Variants in ETV6 observed in about 807,000 individuals in gnomAD.
ETV6 encodes the protein ETS variant transcription factor 6.
ETV6 carries 16 observed loss-of-function variants against 51.1 expected under a neutral mutation model. The ratio of observed to expected loss-of-function variants is 0.31; its 90% CI spans 0.21 to 0.48. ETV6 has a LOEUF of 0.48. Among genes scored for constraint, ETV6 ranks in the 20% least tolerant of loss-of-function variants. The pLI is 0.99. For missense variants in ETV6, 458 were observed against 594.8 expected (o/e 0.77, Z 2.39); for synonymous variants, 240 against 224.1 (o/e 1.07, Z -0.64).
chr12:11,792,532 C>T (rs1427213531), intron 2 of ETV6, among the ~76,000 whole-genome samples: 1 of 151,826 alleles, frequency 6.6e-6, no homozygotes, highest in Non-Finnish European at 1.5e-5. Context: ...ACTAAAAATA[C>T]AAAAATTAGC....
At chr12:11,799,359 C>G (rs1043027815) in intron 2 of ETV6, among the ~76,000 whole-genome samples, 2 of 152,190 alleles carry the variant, frequency 1.3e-5, no homozygotes, top group African/African-American at 4.8e-5. Context: ...TATCCATGTG[C>G]ATTCCCCAGT....
chr12:11,782,767 G>A (rs1396241807), intron 2 of ETV6, among the ~76,000 whole-genome samples: 1 of 152,196 alleles, frequency 6.6e-6, no homozygotes, highest in Non-Finnish European at 1.5e-5. Flanking sequence ...ACCTTGGTTT[G>A]TATGAGTGTA....
chr12:11,883,313 A>G (rs1194802546), intron 5 of ETV6, among the ~76,000 whole-genome samples: 1 of 35,050 alleles, frequency 2.9e-5, no homozygotes, highest in Non-Finnish European at 4.5e-5. Flanking sequence ...TTTTTTTTTG[A>G]GACTGAGTCT....
chr12:11,741,946 T>C (rs1306359486), intron 1 of ETV6, among the ~76,000 whole-genome samples: 1 of 152,222 alleles, frequency 6.6e-6, no homozygotes, highest in African/African-American at 2.4e-5. Flanking sequence ...TACTTGGCTA[T>C]TGGGATTGTG....
intron 1 of ETV6, among the ~76,000 whole-genome samples, chr12:11,706,497 C>T (rs1000990239): frequency 5.3e-5 from 8 of 152,214 alleles, no homozygotes; most frequent in African/African-American, 1.9e-4. Flanking sequence ...AGGCTGCTGT[C>T]TGTTTTTCAT....
At chr12:11,795,375 C>G (rs979787924) in intron 2 of ETV6, among the ~76,000 whole-genome samples, 2 of 152,244 alleles carry the variant, frequency 1.3e-5, no homozygotes, top group South Asian at 2.1e-4. Context: ...ATTCCCTATC[C>G]TTGGAACTGG....
At chr12:11,742,769 TTTA>T (rs1197680915) in intron 1 of ETV6, among the ~76,000 whole-genome samples, 1 of 151,828 alleles carries the variant, frequency 6.6e-6, no homozygotes, top group Non-Finnish European at 1.5e-5. Context: ...ATCAAAATAT[TTTA>T]TAAGCTTCAT....
At position 11,823,618 on chromosome 12, in the gene ETV6, C is replaced by G. The variant is rs1009664670; in HGVS notation, c.164-15522C>G. On this transcript the variant is annotated intron_variant, in intron 2 of 7. Transcript: ENST00000396373. The stretch of plus-strand genomic sequence containing the variant: ...AGTAACTGGGATGACAGGCTCCCAT[C>G]ACTAGGCCAGGCTAATTTTTTGTAT... Among the ~76,000 whole-genome samples, 13 of 152,196 alleles carry G rather than the reference C, an allele frequency of 8.5e-5. No homozygotes were observed. In the East Asian group the frequency reaches 2.5e-3, roughly 29 times the overall value.
chr12:11,881,577 G>T (rs934424128), intron 5 of ETV6, among the ~76,000 whole-genome samples: 2 of 152,168 alleles, frequency 1.3e-5, no homozygotes, highest in African/African-American at 4.8e-5. Flanking sequence ...GAAGGGTGAG[G>T]GGTCTCTCTC....
chr12:11,700,906 A>T (rs902317382), intron 1 of ETV6, among the ~76,000 whole-genome samples: 4 of 152,124 alleles, frequency 2.6e-5, no homozygotes, highest in Admixed American at 6.5e-5. Flanking sequence ...TCGAGGGTCC[A>T]CTGTATTTCA....
At chr12:11,770,237 A>T (rs931550011) in intron 2 of ETV6, among the ~76,000 whole-genome samples, 2 of 151,874 alleles carry the variant, frequency 1.3e-5, no homozygotes, top group Admixed American at 6.6e-5. Context: ...TGCTTTGGAT[A>T]TTGGGAGGTG....
chr12:11,814,521 T>C (rs1439838964), intron 2 of ETV6, among the ~76,000 whole-genome samples: 1 of 152,130 alleles, frequency 6.6e-6, no homozygotes. Context: ...CTCTCCACTA[T>C]TTCTCTATGA....
intron 1 of ETV6, among the ~76,000 whole-genome samples, chr12:11,688,962 A>G (rs1864691130): frequency 6.6e-6 from 1 of 152,266 alleles, no homozygotes; most frequent in South Asian, 2.1e-4. Flanking sequence ...CAAGCTTCAC[A>G]TTAAATGACA....
chr12:11,809,812 CTTTTTTTTTTTT>C (rs927002978), intron 2 of ETV6, among the ~76,000 whole-genome samples: 7 of 81,764 alleles, frequency 8.6e-5, no homozygotes, highest in African/African-American at 2.8e-4. Flanking sequence ...AGAGCTTCTG[CTTTTTTTTTTTT>C]TTTTTTTTTT....
chr12:11,743,774 T>G (rs1865854416), intron 1 of ETV6, among the ~76,000 whole-genome samples: 1 of 151,956 alleles, frequency 6.6e-6, no homozygotes, highest in East Asian at 1.9e-4. Flanking sequence ...CTCGCTGGGG[T>G]TGTGAGTCTG....
chr12:11,875,986 A>G (rs777221424), intron 5 of ETV6, among the ~76,000 whole-genome samples: 3 of 152,182 alleles, frequency 2.0e-5, no homozygotes, highest in Non-Finnish European at 2.9e-5. Flanking sequence ...GCCTTGCAAC[A>G]TTGTGTACGT....
chr12:11,736,715 C>T (rs1001349314), intron 1 of ETV6, among the ~76,000 whole-genome samples: 10 of 152,064 alleles, frequency 6.6e-5, no homozygotes, highest in African/African-American at 1.7e-4. Flanking sequence ...GGTGATAGGG[C>T]GGTGAGCGCA....
intron 1 of ETV6, among the ~76,000 whole-genome samples, chr12:11,742,302 C>A (rs1360552322): frequency 6.6e-6 from 1 of 152,184 alleles, no homozygotes; most frequent in African/African-American, 2.4e-5. Flanking sequence ...GTAGAACTTG[C>A]TTTAGTAATT....
intron 1 of ETV6, among the ~76,000 whole-genome samples, chr12:11,685,724 C>T (rs1864617122): frequency 6.6e-6 from 1 of 152,112 alleles, no homozygotes; most frequent in African/African-American, 2.4e-5. Context: ...AATTAGAGTA[C>T]ATTCTTGTCT....
Sources: gnomAD v4.1 joint callset for allele counts (sites outside exome capture counted in the v4.1 genomes callset) on GRCh38, gnomAD v4.1.1 for gene constraint, MANE v1.5 for transcripts, NCBI Gene and HGNC (gene_info 2026-07-23, HGNC 2026-07-21) for gene names.